WDFY2: variants seen among roughly 807,000 people sequenced by gnomAD.
WDFY2 encodes WD repeat and FYVE domain-containing protein 2.
In WDFY2, 36 loss-of-function variants were observed where a neutral mutation model predicts 56.4. The ratio of observed to expected loss-of-function variants is 0.64; its 90% CI spans 0.49 to 0.84. WDFY2 has a LOEUF of 0.84. WDFY2 is among the 40% of genes least tolerant of loss of function. WDFY2 has a pLI of 0.00. For missense variants in WDFY2, 444 were observed against 512.2 expected (o/e 0.87, Z 1.29); for synonymous variants, 176 against 183.7 (o/e 0.96, Z 0.34).
chr13:51,751,406 G>C lies in WDFY2; in HGVS notation c.822G>C (p.Glu274Asp), dbSNP rs151039480. The part of the protein sequence containing the change: ...GGIVVWNMDV[E>D]RQETPEWLDS... The stretch of plus-strand genomic sequence containing the variant: ...TTGTCGTCTGGAACATGGACGTGGA[G>C]AGGCAGGAGGTAGGTGGCACAGCAG... The change falls in exon 8 of 12, where the codon GAG becomes GAC. Residue 274 changes from glutamate (E) to aspartate (D), a missense_variant. Physicochemically the swap from Glu to Asp is conservative, Grantham distance 45. Transcript: ENST00000298125. The C allele has an allele frequency of 1.2e-4, 191 of 1,613,920 alleles. No individual in the cohort carries two copies. The highest frequency in any genetic ancestry group is 1.6e-4 in the Non-Finnish European group (186 of 1,179,922).
At chr13:51,604,300 C>A (rs527643907) in intron 1 of WDFY2, among the ~76,000 whole-genome samples, 2 of 152,150 alleles carry the variant, frequency 1.3e-5, no homozygotes, top group Non-Finnish European at 2.9e-5. Flanking sequence ...CCTCAGAAAT[C>A]TCTGCTTCAG....
intron 1 of WDFY2, among the ~76,000 whole-genome samples, chr13:51,641,721 G>T (rs1955164815): frequency 2.7e-5 from 4 of 148,742 alleles, no homozygotes; most frequent in Admixed American, 2.7e-4. Context: ...AGCTACTTGG[G>T]AGGCTGAGGC....
chr13:51,733,752 C>T (rs1363147259), intron 6 of WDFY2, among the ~76,000 whole-genome samples: 2 of 152,152 alleles, frequency 1.3e-5, no homozygotes, highest in Admixed American at 6.5e-5. Flanking sequence ...CATTTGGTAA[C>T]TGCATGGAGT....
chr13:51,686,519 A>G (rs1336175686), intron 3 of WDFY2, among the ~76,000 whole-genome samples: 3 of 152,126 alleles, frequency 2.0e-5, no homozygotes, highest in Non-Finnish European at 4.4e-5. Flanking sequence ...TTGTTTTTAA[A>G]CTAGTTTCTT....
intron 1 of WDFY2, among the ~76,000 whole-genome samples, chr13:51,656,067 T>C (rs1955503272): frequency 6.6e-6 from 1 of 151,714 alleles, no homozygotes; most frequent in African/African-American, 2.4e-5. Context: ...TTTTTTTTTT[T>C]TTTCCTGCTC....
intron 3 of WDFY2, among the ~76,000 whole-genome samples, chr13:51,686,012 C>T (rs1479028708): frequency 1.3e-5 from 2 of 152,108 alleles, no homozygotes; most frequent in African/African-American, 4.8e-5. Context: ...CCCTTTCTTC[C>T]CAACACTCTG....
intron 2 of WDFY2, among the ~76,000 whole-genome samples, chr13:51,664,559 C>A (rs981758975): frequency 1.3e-5 from 2 of 152,188 alleles, no homozygotes; most frequent in African/African-American, 4.8e-5. Flanking sequence ...TTTCCTCATC[C>A]TCCTAATCCC....
intron 6 of WDFY2, among the ~76,000 whole-genome samples, chr13:51,733,346 G>A (rs1275000730): frequency 6.6e-6 from 1 of 152,180 alleles, no homozygotes; most frequent in Non-Finnish European, 1.5e-5. Context: ...CAGAAGTGGT[G>A]TTTAAATAGC....
In WDFY2 at chr13:51,761,471, G is replaced by C. The variant is rs998235158; in HGVS notation, c.*1702G>C. ...GTCGGGAGCATCAGGGAGCTCACCA[G>C]TCTCTTGAGGATCACAGGCCAATTG... On this transcript the variant is annotated 3_prime_UTR_variant, in exon 12 of 12. Transcript: ENST00000298125. 6.6e-6 allele frequency: 1 copy of C among 152,194 alleles called. No individual in the cohort carries two copies. Among genetic ancestry groups the C allele is most frequent in the Non-Finnish European group, 1.5e-5 (1 of 68,042 alleles). 9.4% of individuals were successfully genotyped at this position (152,194 alleles called of 1,614,324 possible). A position where few individuals can be genotyped will look rare whatever the true frequency, so the allele number is the denominator to read the frequency against.
At chr13:51,697,434 A>T (rs1951898906) in intron 3 of WDFY2, among the ~76,000 whole-genome samples, 1 of 152,130 alleles carries the variant, frequency 6.6e-6, no homozygotes, top group African/African-American at 2.4e-5. Context: ...GGAGTTCAAG[A>T]GCAGCCTGGG....
At chr13:51,663,910 AAAG>A (rs2138467956) in intron 2 of WDFY2, among the ~76,000 whole-genome samples, 1 of 152,370 alleles carries the variant, frequency 6.6e-6, no homozygotes, top group South Asian at 2.1e-4. Context: ...AAGAAAATAA[AAAG>A]AAAATATTCT....
chr13:51,661,827 A>G (rs1955619893), intron 2 of WDFY2, among the ~76,000 whole-genome samples: 3 of 152,106 alleles, frequency 2.0e-5, no homozygotes. Context: ...TCCTTCCTTT[A>G]CCTGTTTTGC....
intron 7 of WDFY2, among the ~76,000 whole-genome samples, chr13:51,747,401 A>T (rs1354539429): frequency 6.6e-6 from 1 of 152,248 alleles, no homozygotes; most frequent in Non-Finnish European, 1.5e-5. Context: ...CTGAAATACT[A>T]ATAAAATGTT....
chr13:51,681,340 T>A (rs1405441324), intron 3 of WDFY2, among the ~76,000 whole-genome samples: 1 of 152,306 alleles, frequency 6.6e-6, no homozygotes, highest in South Asian at 2.1e-4. Context: ...TTCCAGGACT[T>A]CTAGTGTGAT....
At chr13:51,595,796 T>C (rs2138297933) in intron 1 of WDFY2, among the ~76,000 whole-genome samples, 1 of 152,266 alleles carries the variant, frequency 6.6e-6, no homozygotes, top group African/African-American at 2.4e-5. Context: ...AAGACACCTT[T>C]TATAACAGAT....
At chr13:51,693,493 T>C (rs2138553308) in intron 3 of WDFY2, among the ~76,000 whole-genome samples, 1 of 152,292 alleles carries the variant, frequency 6.6e-6, no homozygotes, top group Admixed American at 6.5e-5. Flanking sequence ...TTGAGCCGTT[T>C]TGAGTGAGTT....
Position 51,719,269 on chromosome 13 carries a change from A to G in WDFY2, c.406A>G (p.Lys136Glu). The G allele has an allele frequency of 6.2e-7, 1 of 1,614,180 alleles. No individual in the cohort carries two copies. Among genetic ancestry groups the G allele is most frequent in the Non-Finnish European group, 8.5e-7 (1 of 1,180,020 alleles). ...GTGGGTGCTGAGCACAGGACAGGAC[A>G]AGCAATTTGCCTGGCACTGCTCTGA... is the stretch of plus-strand genomic sequence containing the variant. ...LEWVLSTGQD[K>E]QFAWHCSESG... Residue 136 changes from lysine to glutamate, a missense_variant, in exon 5 of 12, where the codon AAG (lysine) becomes GAG (glutamate). Coordinates refer to ENST00000298125, the MANE Select transcript of WDFY2 (RefSeq NM_052950.4).
rs1359796020 is a variant in WDFY2, at chr13:51,763,614, A to G, written c.*3845A>G. 6.6e-6 allele frequency: 1 copy of G among 152,258 alleles called. No individual in the cohort carries two copies. The highest frequency in any genetic ancestry group is 1.9e-4 in the East Asian group (1 of 5,200). 9.4% of individuals were successfully genotyped at this position (152,258 alleles called of 1,614,324 possible). ...GGAGTTCAAGACCAGCCTGGGCCAC[A>G]CAGCAAGATCCTGTCACTACCAAAA... On this transcript the variant is annotated 3_prime_UTR_variant, in exon 12 of 12. Transcript: ENST00000298125.
intron 1 of WDFY2, among the ~76,000 whole-genome samples, chr13:51,640,214 C>T (rs1405833492): frequency 6.6e-6 from 1 of 152,146 alleles, no homozygotes; most frequent in Non-Finnish European, 1.5e-5. Context: ...TACTGTTTTT[C>T]TATTTATAAT....
Sources: allele counts gnomAD v4.1 joint callset (sites outside exome capture counted in the v4.1 genomes callset), GRCh38; gene constraint gnomAD v4.1.1; transcripts MANE v1.5; gene names NCBI Gene and HGNC (gene_info 2026-07-23, HGNC 2026-07-21).